Variants in APP observed in about 807,000 individuals in gnomAD.
APP encodes amyloid beta precursor protein.
In APP, 31 loss-of-function variants were observed where a neutral mutation model predicts 101.4. That is an observed-to-expected ratio of 0.31 (90% confidence interval 0.23 to 0.41). The LOEUF is 0.41. Ranked by LOEUF, APP falls within the 10% of genes least tolerant of loss-of-function variation. The probability of loss-of-function intolerance (pLI) is 1.00; values close to 1 mark genes in which losing one functional copy is unlikely to be tolerated. For synonymous variants in APP, 366 were observed against 364.4 expected (o/e 1.00, Z -0.05); for missense variants, 839 against 1,003.7 (o/e 0.84, Z 2.22).
chr21:25,901,303 AAAAAAAAAAAAAAAAC>A lies in APP; in HGVS notation c.1964-3646_1964-3631del, dbSNP rs1350089522. ...CAGAGACAAATCCTGTTTTAAAAAA[AAAAAAAAAAAAAAAAC>A]AAAACCAAGAGCTCTCCACTAAAAA... On this transcript the variant is annotated intron_variant, in intron 15 of 17. Coordinates refer to ENST00000346798, the MANE Select transcript of APP (RefSeq NM_000484.4). 3.8e-4 allele frequency among the ~76,000 whole-genome samples: 26 copies of A among 68,176 alleles called. 1 individual carries two copies. Among genetic ancestry groups the A allele is most frequent in the African/African-American group, 1.2e-3 (25 of 20,234 alleles). The allele number at this position is 68,176 out of a possible 152,430, so 44.7% of individuals were successfully genotyped here. A position where few individuals can be genotyped will look rare whatever the true frequency, so the allele number is the denominator to read the frequency against.
At chr21:25,934,060 T>C (rs1331399748) in intron 13 of APP, 1 of 152,146 alleles carries the variant, frequency 6.6e-6, no homozygotes, top group Admixed American at 6.5e-5. Context: ...CCCTTAATCA[T>C]ATTAGAGAAG....
At chr21:25,997,544 T>C (rs936737203) in intron 7 of APP, 128 bp from the exon 8 acceptor site, 2 of 808,506 alleles carry the variant, frequency 2.5e-6, no homozygotes, top group African/African-American at 3.4e-5. Flanking sequence ...GTTTGGTCCC[T>C]CCAACAAAAC....
intron 13 of APP, among the ~76,000 whole-genome samples, chr21:25,952,161 A>T (rs993595531): frequency 2.3e-4 from 35 of 149,652 alleles, no homozygotes; most frequent in African/African-American, 8.7e-4. Flanking sequence ...AAACCCAACT[A>T]ATGGGTGGAT....
chr21:26,112,460 A>T (rs1216305478), intron 1 of APP, among the ~76,000 whole-genome samples: 1 of 152,218 alleles, frequency 6.6e-6, no homozygotes, highest in East Asian at 1.9e-4. Context: ...TCTGACAACA[A>T]AATTACACGT....
intron 14 of APP, among the ~76,000 whole-genome samples, chr21:25,909,570 G>GC (rs1555893446): frequency 6.6e-6 from 1 of 152,248 alleles, no homozygotes; most frequent in African/African-American, 2.4e-5. Context: ...ATTACCAAGG[G>GC]TTCACAGTGT....
intron 11 of APP, among the ~76,000 whole-genome samples, chr21:25,961,111 T>C (rs2041561751): frequency 6.6e-6 from 1 of 152,230 alleles, no homozygotes; most frequent in South Asian, 2.1e-4. Flanking sequence ...ATCACCCTGA[T>C]TGTCTACCCT....
chr21:25,994,501 AT>A (rs2042980254), intron 8 of APP, among the ~76,000 whole-genome samples: 1 of 152,216 alleles, frequency 6.6e-6, no homozygotes, highest in Non-Finnish European at 1.5e-5. Context: ...GAAATGCCTG[AT>A]TTATGGCAAA....
intron 13 of APP, chr21:25,942,641 A>G (rs971814824): frequency 6.6e-6 from 1 of 152,232 alleles, no homozygotes; most frequent in African/African-American, 2.4e-5. Flanking sequence ...GTGTCTGGCA[A>G]TGACAAAGAA....
intron 1 of APP, among the ~76,000 whole-genome samples, chr21:26,161,310 A>G (rs529310297): frequency 6.6e-6 from 1 of 152,312 alleles, no homozygotes; most frequent in East Asian, 1.9e-4. Context: ...CAGTTATCTA[A>G]GTTTACCTTC....
At chr21:26,047,175 G>A (rs752114799) in intron 5 of APP, among the ~76,000 whole-genome samples, 18 of 152,012 alleles carry the variant, frequency 1.2e-4, no homozygotes, top group Admixed American at 3.9e-4. Flanking sequence ...TCATAAAACA[G>A]AGCTCATCCT....
chr21:25,997,712 G>A (rs369543684), intron 7 of APP, among the ~76,000 whole-genome samples: 1 of 152,096 alleles, frequency 6.6e-6, no homozygotes. Context: ...AATTCCCTTC[G>A]ATGCATTTTT....
chr21:25,986,988 G>C (rs1418255206), intron 8 of APP, among the ~76,000 whole-genome samples: 1 of 152,204 alleles, frequency 6.6e-6, no homozygotes, highest in Non-Finnish European at 1.5e-5. Context: ...GCCATAAAAA[G>C]GCTGTAAAGC....
intron 8 of APP, among the ~76,000 whole-genome samples, chr21:25,983,124 G>C (rs549159691): frequency 1.3e-5 from 2 of 152,276 alleles, no homozygotes; most frequent in East Asian, 3.9e-4. Context: ...AAAAGAAAGT[G>C]ATTTCTATTT....
At chr21:25,981,290 C>T (rs957960627) in intron 9 of APP, among the ~76,000 whole-genome samples, 6 of 152,218 alleles carry the variant, frequency 3.9e-5, no homozygotes, top group African/African-American at 1.4e-4. Context: ...TAATGTCTCT[C>T]AAGAGATTAA....
chr21:26,041,429 T>C (rs887912848), intron 5 of APP, among the ~76,000 whole-genome samples: 5 of 152,188 alleles, frequency 3.3e-5, no homozygotes, highest in African/African-American at 9.7e-5. Context: ...TTTCCTACTA[T>C]TTTTAAGCCA....
rs112825481 is a variant in APP, at chr21:26,006,406, C to T, written c.866-6224G>A. 3.2e-3 allele frequency among the ~76,000 whole-genome samples: 483 copies of T among 152,272 alleles called. 5 individuals are homozygous for T. Among genetic ancestry groups the T allele is most frequent in the African/African-American group, 0.011 (460 of 41,562 alleles). On this transcript the variant is annotated intron_variant, in intron 6 of 17. Transcript: ENST00000346798. ...TACTACACTGAAATGCTGGTGTATA[C>T]GAAACACAAAGCAAAATCATGTGCT...
intron 6 of APP, among the ~76,000 whole-genome samples, chr21:26,010,820 C>CAAAAAAAAA (rs58036272): frequency 1.8e-5 from 1 of 54,840 alleles, no homozygotes; most frequent in Non-Finnish European, 3.2e-5. Context: ...GACTTCGTCT[C>CAAAAAAAAA]AAAAAAAAAA....
intron 5 of APP, among the ~76,000 whole-genome samples, chr21:26,048,226 G>C (rs1490051667): frequency 6.6e-6 from 1 of 152,098 alleles, no homozygotes; most frequent in Non-Finnish European, 1.5e-5. Context: ...AGGAGGCTGA[G>C]GCAGGAGAAT....
intron 13 of APP, chr21:25,935,275 G>A (rs947882753): frequency 6.6e-5 from 10 of 152,042 alleles, no homozygotes; most frequent in Non-Finnish European, 1.3e-4. Flanking sequence ...TTTCAATTTA[G>A]CGTTCACATT....
Sources: allele counts gnomAD v4.1 joint callset (sites outside exome capture counted in the v4.1 genomes callset), GRCh38; gene constraint gnomAD v4.1.1; transcripts MANE v1.5; gene names NCBI Gene and HGNC (gene_info 2026-07-23, HGNC 2026-07-21).